The following SERPINA12 variants were observed in gnomAD, a reference collection of about 807,000 sequenced individuals.
SERPINA12 encodes the protein serpin family A member 12.
Under a neutral mutation model 25.9 loss-of-function variants are expected in SERPINA12, and 21 were observed. The observed-to-expected ratio is 0.81, with a 90% CI of 0.58 to 1.17. SERPINA12 has a LOEUF of 1.17. Among genes scored for constraint, SERPINA12 ranks in the 50% most tolerant of loss-of-function variants. The pLI is 0.00. For missense variants in SERPINA12, 562 were observed against 508.3 expected (o/e 1.11, Z -1.02); for synonymous variants, 220 against 196.0 (o/e 1.12, Z -1.02).
At chr14:94,510,956 G>T (rs901219051), upstream of SERPINA12, among the ~76,000 whole-genome samples, 2 of 152,098 alleles carry the variant, frequency 1.3e-5, no homozygotes, top group Non-Finnish European at 2.9e-5. Context: ...TTGGGAGGGG[G>T]TGGTGAGGTA....
intron 4 of SERPINA12, 45 bp from the exon 5 acceptor site, chr14:94,487,539 C>T (rs771229444): frequency 9.8e-6 from 15 of 1,532,312 alleles, no homozygotes; most frequent in African/African-American, 8.3e-5. Flanking sequence ...AGCTCCTTGG[C>T]GACCACAGTG....
chr14:94,511,579 C>G (rs1327077101), upstream of SERPINA12: 10 of 985,304 alleles, frequency 1.0e-5, no homozygotes, highest in East Asian at 1.0e-3. Context: ...CAGCCCAGAA[C>G]AGGAACCGAC....
intron 1 of SERPINA12, among the ~76,000 whole-genome samples, chr14:94,499,531 G>T (rs1039838027): frequency 6.6e-6 from 1 of 152,232 alleles, no homozygotes; most frequent in Non-Finnish European, 1.5e-5. Flanking sequence ...AACGAAGGCA[G>T]ATTTCTTTGC....
intron 1 of SERPINA12, among the ~76,000 whole-genome samples, chr14:94,502,079 AAAAT>A (rs1045008572): frequency 6.6e-6 from 1 of 150,498 alleles, no homozygotes; most frequent in Non-Finnish European, 1.5e-5. Context: ...GCTGTGACTC[AAAAT>A]AAATAAAGAG....
At chr14:94,505,410 C>T (rs532680613) in intron 1 of SERPINA12, among the ~76,000 whole-genome samples, 9 of 152,340 alleles carry the variant, frequency 5.9e-5, no homozygotes, top group South Asian at 2.1e-4. Context: ...CACCTTCCCT[C>T]GCCCAGGCAG....
At chr14:94,489,472 G>A (rs923731059) in intron 4 of SERPINA12, 148 bp downstream of exon 4, 1 of 804,058 alleles carries the variant, frequency 1.2e-6, no homozygotes, top group Non-Finnish European at 1.9e-6. Context: ...AGGATCACGG[G>A]GTTGGTAAGG....
intron 3 of SERPINA12, among the ~76,000 whole-genome samples, chr14:94,495,269 C>T (rs1275720611): frequency 6.6e-6 from 1 of 151,472 alleles, no homozygotes. Context: ...AGGGTTTCAC[C>T]GTTTTAGCCG....
Position 94,489,614 on chromosome 14 carries a change from G to T in SERPINA12, c.1053+6C>A, listed in dbSNP as rs762387042. The T allele has an allele frequency of 1.4e-5, 23 of 1,613,610 alleles. No homozygotes were observed. Among genetic ancestry groups the T allele is most frequent in the Non-Finnish European group, 3.4e-6 (4 of 1,179,834 alleles). On this transcript the variant is annotated splice_donor_region_variant and intron_variant, in intron 4 of 4. Transcript: ENST00000677451. The stretch of plus-strand genomic sequence containing the variant: ...AGGGAGTGGAGTCCAGGCTAGGCAG[G>T]CTTACCTCGCCCACTTTCAGGCTGC...
chr14:94,493,165 A>G (rs1048022975), intron 3 of SERPINA12, among the ~76,000 whole-genome samples: 2 of 152,170 alleles, frequency 1.3e-5, no homozygotes, highest in South Asian at 2.1e-4. Context: ...AGCTCTCTGG[A>G]CTAGGCTTCC....
At chr14:94,491,150 C>T (rs1900164893) in intron 3 of SERPINA12, among the ~76,000 whole-genome samples, 1 of 152,152 alleles carries the variant, frequency 6.6e-6, no homozygotes, top group South Asian at 2.1e-4. Context: ...CATCTATGAA[C>T]AGAGCAGGCA....
rs1566808762 is a variant in SERPINA12, at chr14:94,496,632, GT to G, written c.645del (p.Lys215AsnfsTer8). On this transcript the variant is annotated frameshift_variant, in exon 3 of 5. Transcript: ENST00000677451. LOFTEE classifies it high-confidence loss of function. ...ANYIFFRARW[K>X]HEFDPNVTKE... is the part of the protein sequence containing the mutation. The stretch of plus-strand genomic sequence containing the variant: ...TTAGTTACATTTGGATCAAACTCAT[GT>G]TTCCACCTGGCTTAGATTGAAGAAA... 8 of 1,613,858 alleles carry G rather than the reference GT, an allele frequency of 5.0e-6. No homozygotes were observed. In the South Asian group the frequency reaches 8.8e-5, roughly 18 times the overall value.
upstream of SERPINA12, chr14:94,511,684 C>A: frequency 2.0e-6 from 2 of 985,428 alleles, no homozygotes; most frequent in Non-Finnish European, 2.4e-6. Flanking sequence ...ATCCTCCTTT[C>A]CTGCTTCCTT....
intron 3 of SERPINA12, among the ~76,000 whole-genome samples, chr14:94,494,914 C>A (rs1285546357): frequency 6.6e-6 from 1 of 152,060 alleles, no homozygotes; most frequent in Non-Finnish European, 1.5e-5. Flanking sequence ...CTCTGCCAAC[C>A]CTTCCACCTC....
intron 3 of SERPINA12, among the ~76,000 whole-genome samples, chr14:94,493,254 A>G (rs1262644993): frequency 1.3e-5 from 2 of 152,182 alleles, no homozygotes; most frequent in Admixed American, 1.3e-4. Flanking sequence ...TGTTCCTATC[A>G]TGTTCTAATG....
At chr14:94,497,649 A>G (rs919683638) in intron 2 of SERPINA12, 115 bp downstream of exon 2, 14 of 939,514 alleles carry the variant, frequency 1.5e-5, no homozygotes, top group Admixed American at 5.4e-5. Context: ...AGGTTTTGAG[A>G]GATAAATCAC....
chr14:94,516,781 C>T (rs1164616955), intron 1 of SERPINA12, among the ~76,000 whole-genome samples: 1 of 152,180 alleles, frequency 6.6e-6, no homozygotes, highest in African/African-American at 2.4e-5. Context: ...TTCCAAGGCT[C>T]AGACCATCCA....
At chr14:94,497,397 T>C (rs1035012429) in intron 2 of SERPINA12, among the ~76,000 whole-genome samples, 2 of 152,244 alleles carry the variant, frequency 1.3e-5, no homozygotes, top group African/African-American at 4.8e-5. Context: ...CAGTCCTGAC[T>C]GTCAATGATG....
intron 3 of SERPINA12, among the ~76,000 whole-genome samples, chr14:94,495,162 G>C (rs898567869): frequency 1.4e-5 from 2 of 141,416 alleles, no homozygotes; most frequent in Admixed American, 1.5e-4. Context: ...TCCGCCTCCC[G>C]GGTTCATGCC....
intron 1 of SERPINA12, among the ~76,000 whole-genome samples, chr14:94,505,909 G>T (rs1287961527): frequency 1.3e-5 from 2 of 152,240 alleles, no homozygotes; most frequent in Non-Finnish European, 2.9e-5. Context: ...GCTACACCTG[G>T]GTTGGGAGTT....
Sources: gnomAD v4.1 joint callset for allele counts (sites outside exome capture counted in the v4.1 genomes callset) on GRCh38, gnomAD v4.1.1 for gene constraint, MANE v1.5 for transcripts, NCBI Gene and HGNC (gene_info 2026-07-23, HGNC 2026-07-21) for gene names.